The following GHR variants were observed in gnomAD, a reference collection of about 807,000 sequenced individuals.
GHR encodes GH receptor.
A neutral mutation model predicts 67.1 loss-of-function variants in GHR; 35 were observed. The observed-to-expected ratio is 0.52, with a 90% CI of 0.40 to 0.69. GHR has a LOEUF of 0.69. GHR is among the 30% of genes least tolerant of loss of function. The probability of loss-of-function intolerance (pLI) is 0.00; values close to 1 mark genes in which losing one functional copy is unlikely to be tolerated. For synonymous variants in GHR, 272 were observed against 269.1 expected (o/e 1.01, Z -0.10); for missense variants, 792 against 764.6 (o/e 1.04, Z -0.42).
intron 1 of GHR, among the ~76,000 whole-genome samples, chr5:42,553,863 A>T (rs186112666): frequency 1.3e-5 from 2 of 152,268 alleles, no homozygotes; most frequent in East Asian, 3.9e-4. Context: ...ATATTTTCTG[A>T]TCTTAATTCC....
chr5:42,436,353 C>T (rs747581536), intron 1 of GHR, among the ~76,000 whole-genome samples: 1 of 152,172 alleles, frequency 6.6e-6, no homozygotes, highest in Non-Finnish European at 1.5e-5. Flanking sequence ...TTCTTGGTGT[C>T]CTTTTTCTAG....
Position 42,529,068 on chromosome 5 carries a change from G to A in GHR, c.-11-36796G>A, listed in dbSNP as rs563143751. Among the ~76,000 whole-genome samples the A allele has an allele frequency of 4.0e-4, 60 of 149,452 alleles. 1 individual carries two copies. Among genetic ancestry groups the A allele is most frequent in the African/African-American group, 1.4e-3 (58 of 40,358 alleles). On this transcript the variant is annotated intron_variant, in intron 1 of 9. Transcript: ENST00000230882. ...GCTCTGTAGCCCAGTCTGGTGTGCA[G>A]TGGTGCAATCTTGGCTCACTGCAAG...
chr5:42,503,717 G>T (rs978351520), intron 1 of GHR, among the ~76,000 whole-genome samples: 1 of 152,256 alleles, frequency 6.6e-6, no homozygotes, highest in African/African-American at 2.4e-5. Context: ...TAGGGTAAGG[G>T]GCTAGGTGGG....
At chr5:42,643,428 G>A (rs926061368) in intron 3 of GHR, among the ~76,000 whole-genome samples, 1 of 152,156 alleles carries the variant, frequency 6.6e-6, no homozygotes, top group African/African-American at 2.4e-5. Flanking sequence ...ATGACTAAAG[G>A]AATACATGCT....
intron 1 of GHR, among the ~76,000 whole-genome samples, chr5:42,469,385 G>C (rs1231157561): frequency 6.6e-6 from 1 of 152,226 alleles, no homozygotes; most frequent in African/African-American, 2.4e-5. Context: ...TAGATAAGGA[G>C]ATCTAGGCTT....
chr5:42,606,769 A>C (rs1351560268), intron 2 of GHR, among the ~76,000 whole-genome samples: 1 of 152,176 alleles, frequency 6.6e-6, no homozygotes, highest in Non-Finnish European at 1.5e-5. Context: ...AGCAGCTGGG[A>C]AAGTGCAATA....
At chr5:42,482,462 T>A (rs1745687527) in intron 1 of GHR, among the ~76,000 whole-genome samples, 1 of 152,236 alleles carries the variant, frequency 6.6e-6, no homozygotes, top group Non-Finnish European at 1.5e-5. Context: ...TTTGTTTGTC[T>A]GTGCCCTGCC....
chr5:42,579,894 C>A (rs1370852003), intron 2 of GHR, among the ~76,000 whole-genome samples: 1 of 151,546 alleles, frequency 6.6e-6, no homozygotes, highest in Non-Finnish European at 1.5e-5. Flanking sequence ...TTTAAAATAA[C>A]CATGCCATGC....
intron 1 of GHR, among the ~76,000 whole-genome samples, chr5:42,562,642 TC>T (rs1749676879): frequency 6.8e-6 from 1 of 148,064 alleles, no homozygotes; most frequent in Non-Finnish European, 1.5e-5. Flanking sequence ...GTGTTATAGT[TC>T]CTTTTTTTTT....
At chr5:42,677,970 A>G (rs1253083006) in intron 3 of GHR, among the ~76,000 whole-genome samples, 2 of 152,206 alleles carry the variant, frequency 1.3e-5, no homozygotes, top group Admixed American at 6.5e-5. Context: ...TTAACAAATC[A>G]TAGGTTGACA....
intron 3 of GHR, among the ~76,000 whole-genome samples, chr5:42,641,317 A>T (rs1561190257): frequency 6.6e-6 from 1 of 152,166 alleles, no homozygotes; most frequent in Non-Finnish European, 1.5e-5. Context: ...ATTTGTCAAT[A>T]AATACAGAAT....
At chr5:42,656,882 T>C (rs1054451220) in intron 3 of GHR, among the ~76,000 whole-genome samples, 7 of 152,174 alleles carry the variant, frequency 4.6e-5, no homozygotes, top group Admixed American at 1.3e-4. Context: ...ATAAAGTATG[T>C]TGATTATACA....
chr5:42,617,385 TACAC>T (rs10581858), intron 2 of GHR, among the ~76,000 whole-genome samples: 50,959 of 148,960 alleles, frequency 0.34, 9,175 homozygotes, highest in East Asian at 0.55. Flanking sequence ...AAGTTCATTT[TACAC>T]ACACACACAC....
intron 1 of GHR, among the ~76,000 whole-genome samples, chr5:42,479,075 CTG>C (rs1745484214): frequency 6.6e-6 from 1 of 152,078 alleles, no homozygotes; most frequent in Non-Finnish European, 1.5e-5. Flanking sequence ...ACCTAATTTA[CTG>C]AGAGTTTTTA....
intron 1 of GHR, among the ~76,000 whole-genome samples, chr5:42,538,985 C>T (rs185896832): frequency 1.3e-3 from 193 of 152,098 alleles, no homozygotes; most frequent in African/African-American, 4.6e-3. Flanking sequence ...CTTTCCAGAG[C>T]GTTTTGCATT....
chr5:42,536,584 T>C (rs1385639390), intron 1 of GHR, among the ~76,000 whole-genome samples: 1 of 152,142 alleles, frequency 6.6e-6, no homozygotes. Context: ...TGTTAAAGAG[T>C]TTAGCATCTA....
At chr5:42,480,773 A>G (rs1210610119) in intron 1 of GHR, among the ~76,000 whole-genome samples, 2 of 152,146 alleles carry the variant, frequency 1.3e-5, no homozygotes, top group East Asian at 1.9e-4. Context: ...TTTTGAGCCT[A>G]TGTGTGTCTC....
intron 1 of GHR, among the ~76,000 whole-genome samples, chr5:42,504,787 G>C (rs938425275): frequency 6.6e-6 from 1 of 151,976 alleles, no homozygotes; most frequent in Non-Finnish European, 1.5e-5. Context: ...TAAAAGTAAA[G>C]GTATGAAGTC....
chr5:42,602,257 A>G (rs1375160648), intron 2 of GHR, among the ~76,000 whole-genome samples: 1 of 152,154 alleles, frequency 6.6e-6, no homozygotes, highest in African/African-American at 2.4e-5. Context: ...GCTGTACGTC[A>G]GATTCCTAGA....
Sources: allele counts gnomAD v4.1 joint callset (sites outside exome capture counted in the v4.1 genomes callset), GRCh38; gene constraint gnomAD v4.1.1; transcripts MANE v1.5; gene names NCBI Gene and HGNC (gene_info 2026-07-23, HGNC 2026-07-21).